The following CDH23 variants were observed in gnomAD, a reference collection of about 807,000 sequenced individuals.
CDH23 encodes the protein cadherin related 23.
In CDH23, 189 loss-of-function variants were observed where a neutral mutation model predicts 317.1. That is an observed-to-expected ratio of 0.60 (90% CI 0.53 to 0.67). CDH23 has a LOEUF of 0.67. Ranked by LOEUF, CDH23 falls within the 30% of genes least tolerant of loss-of-function variation. CDH23 has a pLI of 0.00. For synonymous variants in CDH23, 1,839 were observed against 1,876.8 expected, an observed-to-expected ratio of 0.98 and a Z score of 0.52; for missense variants, 4,401 against 4,592.4, an observed-to-expected ratio of 0.96 and a Z score of 1.20.
chr10:71,406,414 A>T (rs1027671307), intron 1 of CDH23, among the ~76,000 whole-genome samples: 9 of 152,146 alleles, frequency 5.9e-5, no homozygotes, highest in African/African-American at 1.7e-4. Context: ...GGCCAGGTAA[A>T]TGCAAACTTT....
rs114476054 is a variant in CDH23, at chr10:71,536,113, G to A, written c.429+24901G>A. ...CCCTCAGGAAGCCTGCGCTTGCATC[G>A]TGGGAAAGGGAACCAAACATAGAAG... On this transcript the variant is annotated intron_variant, in intron 6 of 69. Transcript: ENST00000224721. Among the ~76,000 whole-genome samples, 922 of 152,364 alleles carry A rather than the reference G, an allele frequency of 6.1e-3. 11 individuals carry two copies. The highest frequency in any genetic ancestry group is 0.019 in the African/African-American group (777 of 41,586).
chr10:71,802,732 G>A (rs1841591032), intron 53 of CDH23, among the ~76,000 whole-genome samples, 166 bp from the exon 54 acceptor site: 1 of 152,184 alleles, frequency 6.6e-6, no homozygotes, highest in Admixed American at 6.5e-5. Context: ...GGCTCAGGGG[G>A]TTAAATAAGT....
chr10:71,599,067 A>G lies in CDH23; in HGVS notation c.833-16437A>G, dbSNP rs1860045886. ...CGGGACCCCTGGCCTTTGTCAGAGA[A>G]GCAGGGCCAAGTTCACTGGCAAATG... On this transcript the variant is annotated intron_variant, in intron 9 of 69. Transcript: ENST00000224721. Among the ~76,000 whole-genome samples the G allele has an allele frequency of 2.0e-5, 3 of 152,208 alleles. No individual in the cohort carries two copies. In the South Asian group the frequency reaches 6.2e-4, roughly 32 times the overall value.
chr10:71,727,167 C>G (rs1564760750), intron 30 of CDH23, among the ~76,000 whole-genome samples: 1 of 152,218 alleles, frequency 6.6e-6, no homozygotes, highest in Non-Finnish European at 1.5e-5. Flanking sequence ...CTGTTAATAC[C>G]CCCATCTTAC....
chr10:71,741,598 G>T, intron 37 of CDH23, 96 bp from the exon 38 acceptor site: 1 of 996,400 alleles, frequency 1.0e-6, no homozygotes, highest in South Asian at 1.5e-5. Context: ...AAGCTTTTGG[G>T]AGGTACAGGG....
At chr10:71,755,003 A>G (rs2132871628) in intron 38 of CDH23, 1 of 451,234 alleles carries the variant, frequency 2.2e-6, no homozygotes, top group Non-Finnish European at 4.4e-6. Context: ...TTACAAAACA[A>G]GCACGCCCAT....
At chr10:71,651,336 C>A (rs1204998187) in intron 14 of CDH23, among the ~76,000 whole-genome samples, 3 of 148,990 alleles carry the variant, frequency 2.0e-5, no homozygotes, top group Non-Finnish European at 3.0e-5. Context: ...TCAAGATCAG[C>A]CTGGGCAACA....
chr10:71,784,549 C>T (rs1841046550), intron 42 of CDH23, 129 bp downstream of exon 42: 2 of 1,255,060 alleles, frequency 1.6e-6, no homozygotes, highest in East Asian at 2.4e-5. Flanking sequence ...GCCAGGCCTG[C>T]CCCTGGGGCC....
chr10:71,780,217 T>C (rs779100099), intron 41 of CDH23, among the ~76,000 whole-genome samples: 5 of 152,194 alleles, frequency 3.3e-5, no homozygotes, highest in Non-Finnish European at 5.9e-5. Context: ...GTGCCGGCCA[T>C]GTTCCAAGAG....
At chr10:71,614,252 C>T (rs557554240) in intron 9 of CDH23, among the ~76,000 whole-genome samples, 3 of 152,362 alleles carry the variant, frequency 2.0e-5, no homozygotes, top group Admixed American at 6.5e-5. Flanking sequence ...ATTCCTGGCA[C>T]GCTGACATCT....
At chr10:71,524,970 T>C (rs1262600490) in intron 6 of CDH23, among the ~76,000 whole-genome samples, 1 of 152,230 alleles carries the variant, frequency 6.6e-6, no homozygotes, top group Non-Finnish European at 1.5e-5. Flanking sequence ...GGCTCTAGTA[T>C]AGTCTCAGCT....
In CDH23 at chr10:71,702,692, C is replaced by G. The variant is rs368336823; in HGVS notation, c.2731C>G (p.Gln911Glu). ...CATCCCGGCGGGGGTCTCCATCTAC[C>G]AAGTGAGTCTCTATCATCTCATTCC... ...EGIPAGVSIYQVVAIDLDEGL... is the reference protein window; with the variant it reads ...EGIPAGVSIYEVVAIDLDEGL... Residue 911 changes from glutamine (Q) to glutamate (E), a missense_variant and splice_region_variant, in exon 24 of 70, where the codon CAA (glutamine) becomes GAA (glutamate). By Grantham distance (29) the Gln-to-Glu change is conservative. Around this residue, in one of 3 missense-constraint regions of CDH23, gnomAD observed 3,068 missense variants for 3,203.3 expected, o/e 0.96. Transcript: ENST00000224721. 1 of 1,613,518 alleles carries G rather than the reference C, an allele frequency of 6.2e-7. No homozygotes were observed. The highest frequency in any genetic ancestry group is 8.5e-7 in the Non-Finnish European group (1 of 1,179,872).
intron 3 of CDH23, among the ~76,000 whole-genome samples, chr10:71,457,801 A>C (rs1321639028): frequency 6.6e-6 from 1 of 152,254 alleles, no homozygotes; most frequent in Non-Finnish European, 1.5e-5. Flanking sequence ...AAGAGTGCTG[A>C]AAATGACTTT....
At chr10:71,635,668 TG>T (rs1471241562) in intron 11 of CDH23, among the ~76,000 whole-genome samples, 2 of 143,704 alleles carry the variant, frequency 1.4e-5, no homozygotes, top group Non-Finnish European at 1.5e-5. Flanking sequence ...AGGGAGAGAT[TG>T]GAAAGAGGAA....
chr10:71,802,928 T>G lies in CDH23; in HGVS notation c.7513T>G (p.Cys2505Gly). 4 of 1,614,020 alleles carry G rather than the reference T, an allele frequency of 2.5e-6. No homozygotes were observed. The highest frequency in any genetic ancestry group is 3.4e-6 in the Non-Finnish European group (4 of 1,179,880). The change falls in exon 54 of 70, where the codon TGC becomes GGC. Residue 2505 changes from cysteine to glycine, a missense_variant. By Grantham distance (159) the Cys-to-Gly change is radical (BLOSUM62 -3). Coordinates refer to ENST00000224721, the MANE Select transcript of CDH23 (RefSeq NM_022124.6). ...VVIQVLDVND[C>G]RPQFSKPQFS... ...GATCCAAGTGCTGGATGTCAATGAC[T>G]GCCGGCCACAGTTCTCCAAGCCCCA... is the stretch of plus-strand genomic sequence containing the variant.
At chr10:71,644,770 C>T (rs1440451919) in intron 12 of CDH23, among the ~76,000 whole-genome samples, 1 of 152,206 alleles carries the variant, frequency 6.6e-6, no homozygotes, top group East Asian at 1.9e-4. Flanking sequence ...GGGCTCTGCA[C>T]CATAAGCCAG....
At position 71,598,287 on chromosome 10, in the gene CDH23, G is replaced by C. The variant is rs576088703; in HGVS notation, c.833-17217G>C. Among the ~76,000 whole-genome samples, 42 of 152,314 alleles carry C rather than the reference G, an allele frequency of 2.8e-4. 1 individual carries two copies. The South Asian group carries it at 4.6e-3, about 17-fold the overall frequency. On this transcript the variant is annotated intron_variant, in intron 9 of 69. Transcript: ENST00000224721. ...TGGCCTAGGCTGGGGACAGTGTTTG[G>C]GCTCTGAGGCTCTGCTTGGTGCCAG... is the stretch of plus-strand genomic sequence containing the variant.
intron 9 of CDH23, among the ~76,000 whole-genome samples, chr10:71,580,528 G>A (rs1858548422): frequency 6.6e-6 from 1 of 152,220 alleles, no homozygotes. Context: ...AGCTTTGATT[G>A]ATTGGTAATG....
At chr10:71,400,932 A>G (rs1351595429) in intron 1 of CDH23, among the ~76,000 whole-genome samples, 3 of 152,180 alleles carry the variant, frequency 2.0e-5, no homozygotes, top group Non-Finnish European at 4.4e-5. Context: ...CATTGAACTC[A>G]TTGTTTTCAA....
Sources: allele counts gnomAD v4.1 joint callset (sites outside exome capture counted in the v4.1 genomes callset), GRCh38; gene constraint gnomAD v4.1.1; regional missense constraint gnomAD v4.1.1; transcripts MANE v1.5; gene names NCBI Gene and HGNC (gene_info 2026-07-23, HGNC 2026-07-21).